The following SLC44A1 variants were observed in gnomAD, a reference collection of about 807,000 sequenced individuals.
The protein encoded by SLC44A1 is choline transporter-like protein 1.
In SLC44A1, 26 loss-of-function variants were observed where a neutral mutation model predicts 79.3. The observed-to-expected ratio is 0.33, with a 90% CI of 0.24 to 0.46. The LOEUF is 0.46. Among genes scored for constraint, SLC44A1 ranks in the 20% least tolerant of loss-of-function variants. SLC44A1 has a pLI of 1.00. For missense variants in SLC44A1, 688 were observed against 798.1 expected (o/e 0.86, Z 1.66); for synonymous variants, 263 against 286.2 (o/e 0.92, Z 0.82).
chr9:105,244,839 G>A lies in SLC44A1; in HGVS notation c.-30G>A. Reference sequence around the variant, plus strand: ...GCTCCGGGGCGTAGCTGCGCGCCCGGCGCCGCCTCCGGGCTCCTTCGGCCC... The same window carrying A: ...GCTCCGGGGCGTAGCTGCGCGCCCGACGCCGCCTCCGGGCTCCTTCGGCCC... On this transcript the variant is annotated 5_prime_UTR_variant, in exon 1 of 16. Transcript: ENST00000374720. 1.8e-6 allele frequency: 2 copies of A among 1,113,086 alleles called. No individual in the cohort carries two copies. The highest frequency in any genetic ancestry group is 2.2e-6 in the Non-Finnish European group (2 of 913,670). The allele number at this position is 1,113,086 out of a possible 1,614,324, so 69.0% of individuals were successfully genotyped here. A position where few individuals can be genotyped will look rare whatever the true frequency, so the allele number is the denominator to read the frequency against.
chr9:105,314,317 G>C (rs1160908841), intron 3 of SLC44A1, among the ~76,000 whole-genome samples: 2 of 152,122 alleles, frequency 1.3e-5, no homozygotes, highest in African/African-American at 4.8e-5. Flanking sequence ...GCAAAGTGGT[G>C]GTAGCTCTTA....
chr9:105,361,777 G>T (rs929377967), intron 8 of SLC44A1, among the ~76,000 whole-genome samples: 1 of 152,142 alleles, frequency 6.6e-6, no homozygotes, highest in Non-Finnish European at 1.5e-5. Context: ...GTGTGGTCAG[G>T]TACAGTGGCT....
intron 15 of SLC44A1, among the ~76,000 whole-genome samples, chr9:105,412,749 C>G (rs891169916): frequency 6.6e-6 from 1 of 152,042 alleles, no homozygotes; most frequent in African/African-American, 2.4e-5. Flanking sequence ...TTACAGACAC[C>G]TGCCACCACG....
At chr9:105,317,065 C>T (rs1343033820) in intron 3 of SLC44A1, among the ~76,000 whole-genome samples, 1 of 152,160 alleles carries the variant, frequency 6.6e-6, no homozygotes, top group Admixed American at 6.5e-5. Context: ...AGGCTATTGA[C>T]AGAATTCAGT....
intron 4 of SLC44A1, among the ~76,000 whole-genome samples, chr9:105,346,006 A>C (rs1350645194): frequency 1.3e-5 from 2 of 152,016 alleles, no homozygotes; most frequent in Non-Finnish European, 1.5e-5. Flanking sequence ...AAAAAAAAAA[A>C]AACACATACT....
intron 4 of SLC44A1, among the ~76,000 whole-genome samples, chr9:105,342,910 C>T (rs901698989): frequency 2.6e-5 from 4 of 151,366 alleles, no homozygotes; most frequent in South Asian, 2.1e-4. Flanking sequence ...GAGGCCAAGG[C>T]GGGAGGATCA....
intron 15 of SLC44A1, among the ~76,000 whole-genome samples, chr9:105,419,925 A>AC (rs1182033344): frequency 1.1e-4 from 16 of 151,628 alleles, no homozygotes; most frequent in African/African-American, 3.6e-4. Flanking sequence ...AAAAAAAAAA[A>AC]AAAAAAAAAA....
chr9:105,301,484 A>C (rs941863608), intron 2 of SLC44A1, among the ~76,000 whole-genome samples: 1 of 152,234 alleles, frequency 6.6e-6, no homozygotes, highest in African/African-American at 2.4e-5. Context: ...AAGAAATCTC[A>C]AAGTTCTATT....
intron 3 of SLC44A1, among the ~76,000 whole-genome samples, chr9:105,328,522 A>C (rs1826652543): frequency 6.6e-6 from 1 of 152,220 alleles, no homozygotes; most frequent in Non-Finnish European, 1.5e-5. Context: ...AAAGGAGACC[A>C]GTGGGAGACC....
At chr9:105,404,052 CAA>C (rs1278119650) in intron 15 of SLC44A1, among the ~76,000 whole-genome samples, 1 of 151,450 alleles carries the variant, frequency 6.6e-6, no homozygotes, top group African/African-American at 2.4e-5. Flanking sequence ...GCCAGGAAAA[CAA>C]AGTGAAGAGA....
At chr9:105,249,176 T>C (rs1829522982) in intron 1 of SLC44A1, among the ~76,000 whole-genome samples, 1 of 152,228 alleles carries the variant, frequency 6.6e-6, no homozygotes, top group Admixed American at 6.5e-5. Flanking sequence ...TTGGGAGTAA[T>C]AAAAAACAAT....
At chr9:105,289,224 G>A (rs1830546343) in intron 1 of SLC44A1, among the ~76,000 whole-genome samples, 2 of 152,120 alleles carry the variant, frequency 1.3e-5, no homozygotes, top group Non-Finnish European at 2.9e-5. Flanking sequence ...TGCTAACTGC[G>A]GTAACTATTG....
chr9:105,307,643 T>TAAA (rs35472593), intron 2 of SLC44A1, among the ~76,000 whole-genome samples: 4 of 139,158 alleles, frequency 2.9e-5, no homozygotes, highest in African/African-American at 5.3e-5. Context: ...GACTCCATCT[T>TAAA]AAAAAAAAAA....
rs563406423 is a variant in SLC44A1 at position 105,301,621 on chromosome 9, T to C, written c.126+2312T>C. Among the ~76,000 whole-genome samples, 104 of 152,340 alleles carry C rather than the reference T, an allele frequency of 6.8e-4. 1 individual carries two copies. The highest frequency in any genetic ancestry group is 3.4e-3 in the Middle Eastern group (1 of 294). ...TTAAAATAAACATTTAACAAACATT[T>C]GTTGGGCATTAATCTATGCTCAACA... On this transcript the variant is annotated intron_variant, in intron 2 of 15. Coordinates refer to ENST00000374720, the MANE Select transcript of SLC44A1 (RefSeq NM_080546.5).
At position 105,403,087 on chromosome 9, in the gene SLC44A1, T is replaced by C. The variant is rs542185518; in HGVS notation, c.1950+17585T>C. ...TTCCCAACTCAGACTCCCAAAGTGC[T>C]GAGATTACAGGTGTGAGCCACCATG... is the stretch of plus-strand genomic sequence containing the variant. On this transcript the variant is annotated intron_variant, in intron 15 of 15. Transcript: ENST00000374724. 2.0e-5 allele frequency among the ~76,000 whole-genome samples: 3 copies of C among 150,164 alleles called. No individual in the cohort carries two copies. The South Asian group carries it at 6.3e-4, about 32-fold the overall frequency.
At chr9:105,346,423 A>G (rs1827248765) in intron 4 of SLC44A1, among the ~76,000 whole-genome samples, 1 of 152,160 alleles carries the variant, frequency 6.6e-6, no homozygotes, top group Admixed American at 6.6e-5. Context: ...ATTTGCCAGC[A>G]CTGACACAAA....
At chr9:105,419,035 A>G (rs1829210492) in intron 15 of SLC44A1, among the ~76,000 whole-genome samples, 1 of 152,334 alleles carries the variant, frequency 6.6e-6, no homozygotes, top group South Asian at 2.1e-4. Context: ...GTAACTGAAC[A>G]AAATTTGGCA....
intron 1 of SLC44A1, among the ~76,000 whole-genome samples, chr9:105,285,459 A>C (rs141287197): frequency 2.6e-4 from 40 of 152,342 alleles, no homozygotes; most frequent in African/African-American, 9.4e-4. Flanking sequence ...TGTAAAAAAA[A>C]ATAATTTACC....
intron 3 of SLC44A1, among the ~76,000 whole-genome samples, chr9:105,329,427 A>G (rs903989532): frequency 2.0e-5 from 3 of 152,140 alleles, no homozygotes; most frequent in Admixed American, 6.5e-5. Flanking sequence ...CAGCAGATCT[A>G]GTATCTGCTT....
Sources: gnomAD v4.1 joint callset for allele counts (sites outside exome capture counted in the v4.1 genomes callset) on GRCh38, gnomAD v4.1.1 for gene constraint, MANE v1.5 for transcripts, NCBI Gene and HGNC (gene_info 2026-07-23, HGNC 2026-07-21) for gene names.